NSUN4: variants seen among roughly 807,000 people sequenced by gnomAD.
NSUN4 encodes 5-cytosine rRNA methyltransferase NSUN4.
Under a neutral mutation model 43.8 loss-of-function variants are expected in NSUN4, and 31 were observed. That is an observed-to-expected ratio of 0.71 (90% CI 0.53 to 0.96). The LOEUF (loss-of-function observed/expected upper bound fraction) is 0.96. NSUN4 is among the 40% of genes least tolerant of loss of function. The pLI is 0.00. For missense variants in NSUN4, 439 were observed against 475.6 expected, an observed-to-expected ratio of 0.92 and a Z score of 0.72; for synonymous variants, 167 against 184.1, an observed-to-expected ratio of 0.91 and a Z score of 0.75.
the NSUN4 span, among the ~76,000 whole-genome samples, chr1:46,384,498 T>C: frequency 6.6e-6 from 1 of 152,178 alleles, no homozygotes; most frequent in Non-Finnish European, 1.5e-5. Context: ...AAGTTAGAAT[T>C]GAGGCTATTA....
the NSUN4 span, chr1:46,371,022 GA>G: frequency 6.6e-6 from 1 of 152,376 alleles, no homozygotes; most frequent in Non-Finnish European, 1.5e-5. Flanking sequence ...TTTAACAGAA[GA>G]AAACTGAGGC....
chr1:46,345,106 T>G lies in NSUN4; in HGVS notation c.399T>G (p.Thr133=). 1 of 1,613,470 alleles carries G rather than the reference T, an allele frequency of 6.2e-7. No homozygotes were observed. Among genetic ancestry groups the G allele is most frequent in the Non-Finnish European group, 8.5e-7 (1 of 1,179,748 alleles). The change falls in exon 2 of 6, where the codon ACT becomes ACG. Residue 133 remains threonine (T), a synonymous_variant. Transcript: ENST00000474844. Reference sequence around the variant, plus strand: ...GCAGTCCGAACCTTCGATGCTTCACTTTTGACAGAGGGGATATCAGTCGCT... The same window carrying G: ...GCAGTCCGAACCTTCGATGCTTCACGTTTGACAGAGGGGATATCAGTCGCT... The part of the protein sequence containing the change: ...WACSPNLRCF[T]FDRGDISRFP...
chr1:46,341,172 T>C, intron 1 of NSUN4: 1 of 1,268,468 alleles, frequency 7.9e-7, no homozygotes, highest in East Asian at 3.5e-5. Flanking sequence ...TCGCCTTCAT[T>C]CTTTTAGTGA....
chr1:46,352,952 G>A lies in NSUN4; in HGVS notation c.677G>A (p.Arg226Lys). ...CACAGCTATGTGCCTGAAGAGATCA[G>A]GGATGGAAATCAAGTTCGAGTTACC... ...ILHSYVPEEI[R>K]DGNQVRVTSW... The change falls in exon 4 of 6, where the codon AGG (arginine) becomes AAG (lysine). Residue 226 changes from arginine to lysine, a missense_variant. Transcript: ENST00000474844. 1.2e-6 allele frequency: 2 copies of A among 1,614,180 alleles called. No individual in the cohort carries two copies. The highest frequency in any genetic ancestry group is 2.2e-5 in the South Asian group (2 of 91,086).
At chr1:46,360,045 C>T (rs12040179) in intron 4 of NSUN4, among the ~76,000 whole-genome samples, 43,935 of 148,952 alleles carry the variant, frequency 0.29, 7,173 homozygotes, top group East Asian at 0.51. Flanking sequence ...CTGGCTAGCA[C>T]GGTGAAACCC....
intron 4 of NSUN4, among the ~76,000 whole-genome samples, chr1:46,354,608 A>G (rs1357204311): frequency 6.6e-6 from 1 of 151,862 alleles, no homozygotes; most frequent in East Asian, 1.9e-4. Context: ...GGAATCTTAG[A>G]TAGGCTTGAG....
At chr1:46,373,236 A>G in the NSUN4 span, among the ~76,000 whole-genome samples, 2 of 152,124 alleles carry the variant, frequency 1.3e-5, no homozygotes, top group Non-Finnish European at 2.9e-5. Flanking sequence ...AGTCATGTCA[A>G]TACAGACCAT....
At chr1:46,340,955 A>T (rs779894264) in intron 1 of NSUN4, 36 bp downstream of exon 1, 1 of 1,559,832 alleles carries the variant, frequency 6.4e-7, no homozygotes, top group Non-Finnish European at 8.8e-7. Context: ...GGGAAAAGTG[A>T]GGGTGGAAAC....
downstream of NSUN4, among the ~76,000 whole-genome samples, chr1:46,366,577 A>ATGG (rs919424553): frequency 1.4e-4 from 21 of 152,022 alleles, no homozygotes; most frequent in African/African-American, 5.1e-4. Flanking sequence ...TTGGCTGGGC[A>ATGG]TGGTGGCATG....
chr1:46,372,685 A>C, the NSUN4 span, among the ~76,000 whole-genome samples: 1 of 152,156 alleles, frequency 6.6e-6, no homozygotes, highest in Non-Finnish European at 1.5e-5. Context: ...GCATGGACAC[A>C]ATCTATCAAG....
the NSUN4 span, among the ~76,000 whole-genome samples, chr1:46,378,662 C>T: frequency 6.6e-6 from 1 of 152,232 alleles, no homozygotes; most frequent in Non-Finnish European, 1.5e-5. Context: ...ATGAACCAAC[C>T]TTCAAAGTGG....
At chr1:46,355,543 T>G (rs1663300915) in intron 4 of NSUN4, among the ~76,000 whole-genome samples, 1 of 152,198 alleles carries the variant, frequency 6.6e-6, no homozygotes, top group Non-Finnish European at 1.5e-5. Flanking sequence ...TTTGGCACAA[T>G]GTCTGGAATA....
rs1557744772 is a variant in NSUN4 at position 46,360,757 on chromosome 1, G to A, written c.807G>A (p.Glu269=). Reference sequence around the variant, plus strand: ...ACCGCCACTCCCTTCATGAGGAGGAGAACAACATCTTTAAGCGGTCAAGGA... The same window carrying A: ...ACCGCCACTCCCTTCATGAGGAGGAAAACAACATCTTTAAGCGGTCAAGGA... ...TTDRHSLHEE[E]NNIFKRSRKK... The change falls in exon 5 of 6, where the codon GAG becomes GAA. Residue 269 remains glutamate, a synonymous_variant. Transcript: ENST00000474844. 2 of 1,614,066 alleles carry A rather than the reference G, an allele frequency of 1.2e-6. No individual in the cohort carries two copies. The highest frequency in any genetic ancestry group is 1.7e-5 in the Admixed American group (1 of 60,006).
the NSUN4 span, among the ~76,000 whole-genome samples, chr1:46,382,678 T>C: frequency 2.0e-5 from 3 of 151,694 alleles, no homozygotes; most frequent in Non-Finnish European, 1.5e-5. Flanking sequence ...CTCAGCTCAC[T>C]GCAACCTCCA....
At chr1:46,383,750 C>T in the NSUN4 span, among the ~76,000 whole-genome samples, 5 of 152,180 alleles carry the variant, frequency 3.3e-5, no homozygotes, top group East Asian at 1.9e-4. Flanking sequence ...CCACCGTGCC[C>T]GGCCAGGCTG....
chr1:46,344,862 A>G lies in NSUN4; in HGVS notation c.155A>G (p.Tyr52Cys). ...RLALQNFDMT[Y>C]SVQFGDLWPS... is the part of the protein sequence containing the mutation. ...GCTTTGCAGAATTTTGACATGACTT[A>G]CAGTGTGCAGTTTGGAGATCTTTGG... The change falls in exon 2 of 6, where the codon TAC becomes TGC. Residue 52 changes from tyrosine (Y) to cysteine (C), a missense_variant. Physicochemically the swap from Tyr to Cys is radical, Grantham distance 194. Coordinates refer to ENST00000474844, the MANE Select transcript of NSUN4 (RefSeq NM_199044.4). 2 of 1,614,214 alleles carry G rather than the reference A, an allele frequency of 1.2e-6. No individual in the cohort carries two copies. Among genetic ancestry groups the G allele is most frequent in the Non-Finnish European group, 1.7e-6 (2 of 1,180,032 alleles).
At chr1:46,378,842 G>A in the NSUN4 span, among the ~76,000 whole-genome samples, 1 of 152,302 alleles carries the variant, frequency 6.6e-6, no homozygotes, top group South Asian at 2.1e-4. Context: ...GGCTGAGCAG[G>A]CTTTTCTCCA....
In NSUN4 at chr1:46,346,936, T is replaced by A; in HGVS notation, c.453T>A (p.Gly151=). The change falls in exon 3 of 6, where the codon GGT becomes GGA. Residue 151 remains glycine, a synonymous_variant. Coordinates refer to ENST00000474844, the MANE Select transcript of NSUN4 (RefSeq NM_199044.4). ...RFPPARPGSL[G]VMEYYLMDAA... ...TCTTTTCCAGACCTGGCAGCCTGGG[T>A]GTCATGGAGTACTACCTGATGGATG... is the stretch of plus-strand genomic sequence containing the variant. 2 of 1,613,538 alleles carry A rather than the reference T, an allele frequency of 1.2e-6. No homozygotes were observed. Among genetic ancestry groups the A allele is most frequent in the Non-Finnish European group, 1.7e-6 (2 of 1,179,800 alleles).
At chr1:46,347,941 G>A (rs1321656403) in intron 3 of NSUN4, among the ~76,000 whole-genome samples, 4 of 149,152 alleles carry the variant, frequency 2.7e-5, no homozygotes, top group East Asian at 3.9e-4. Flanking sequence ...GCAGTGGCAC[G>A]ACCTCGGCTC....
Sources: gnomAD v4.1 joint callset for allele counts (sites outside exome capture counted in the v4.1 genomes callset) on GRCh38, gnomAD v4.1.1 for gene constraint, MANE v1.5 for transcripts, NCBI Gene and HGNC (gene_info 2026-07-23, HGNC 2026-07-21) for gene names.